STK3: variants seen among roughly 807,000 people sequenced by gnomAD.
The protein encoded by STK3 is serine/threonine-protein kinase 3.
STK3 carries 41 observed loss-of-function variants against 58.0 expected under a neutral mutation model. The observed-to-expected ratio is 0.71, with a 90% CI of 0.55 to 0.92. The LOEUF (loss-of-function observed/expected upper bound fraction) is 0.92, where lower values mean the gene tolerates loss of function less well. Among genes scored for constraint, STK3 ranks in the 40% least tolerant of loss-of-function variants. The pLI is 0.00. For synonymous variants in STK3, 170 were observed against 191.0 expected (o/e 0.89, Z 0.91); for missense variants, 479 against 602.7 (o/e 0.79, Z 2.15).
intron 3 of STK3, among the ~76,000 whole-genome samples, chr8:98,833,377 G>A (rs1835613707): frequency 6.6e-6 from 1 of 152,114 alleles, no homozygotes; most frequent in Non-Finnish European, 1.5e-5. Flanking sequence ...TGTAGATGGA[G>A]CCTCCAGGTA....
intron 6 of STK3, among the ~76,000 whole-genome samples, chr8:98,624,435 T>C (rs72666666): frequency 0.03 from 4,526 of 152,262 alleles, 98 homozygotes; most frequent in South Asian, 0.061. Context: ...AACTTTATCA[T>C]AGAGTTGGTC....
the STK3 span, among the ~76,000 whole-genome samples, chr8:98,363,164 G>A: frequency 1.3e-5 from 2 of 152,182 alleles, no homozygotes; most frequent in African/African-American, 4.8e-5. Context: ...CATGAGTCAT[G>A]TAGCTAAAAT....
upstream of STK3, among the ~76,000 whole-genome samples, chr8:98,389,582 G>A (rs1474500867): frequency 2.6e-5 from 4 of 152,014 alleles, no homozygotes; most frequent in Admixed American, 2.0e-4. Flanking sequence ...CTGCTACCAG[G>A]GATTGGGGTG....
At chr8:98,568,115 T>A (rs376346600) in intron 8 of STK3, among the ~76,000 whole-genome samples, 1 of 132,168 alleles carries the variant, frequency 7.6e-6, no homozygotes, top group Non-Finnish European at 1.6e-5. Flanking sequence ...ATAGATAGAC[T>A]GATTTAAAAA....
intron 3 of STK3, among the ~76,000 whole-genome samples, chr8:98,420,552 G>C (rs991401812): frequency 2.0e-5 from 3 of 152,152 alleles, no homozygotes; most frequent in African/African-American, 7.2e-5. Flanking sequence ...TGCAGATAAG[G>C]GGGGAATGCT....
Position 98,755,060 on chromosome 8 carries a change from C to T in STK3, c.237-5670G>A, listed in dbSNP as rs139269519. Among the ~76,000 whole-genome samples the T allele has an allele frequency of 4.6e-5, 7 of 152,082 alleles. No homozygotes were observed. In the East Asian group the frequency reaches 5.8e-4, roughly 13 times the overall value. On this transcript the variant is annotated intron_variant, in intron 3 of 10. Transcript: ENST00000419617. ...AAGTCAAGAGAAAACTTTGGCAAAACGTAAAATTCTCTTCAAAAAAATAAT... is the reference window on the plus strand; with the variant it reads ...AAGTCAAGAGAAAACTTTGGCAAAATGTAAAATTCTCTTCAAAAAAATAAT...
chr8:98,694,484 A>G (rs1824688580), intron 6 of STK3, among the ~76,000 whole-genome samples: 1 of 152,032 alleles, frequency 6.6e-6, no homozygotes, highest in African/African-American at 2.4e-5. Flanking sequence ...ATATCTCCTA[A>G]TGCTATCCCT....
At chr8:98,625,099 T>C (rs1197997398) in intron 6 of STK3, among the ~76,000 whole-genome samples, 1 of 152,178 alleles carries the variant, frequency 6.6e-6, no homozygotes, top group Non-Finnish European at 1.5e-5. Flanking sequence ...CTACTTCTTA[T>C]ATGTAACACC....
chr8:98,359,266 C>G, the STK3 span, among the ~76,000 whole-genome samples: 47,813 of 147,398 alleles, frequency 0.32, 7,750 homozygotes, highest in Middle Eastern at 0.51. Flanking sequence ...CCAACATTTT[C>G]GGAGGCCGAG....
intron 1 of STK3, among the ~76,000 whole-genome samples, chr8:98,793,780 A>G (rs542778112): frequency 2.6e-5 from 4 of 152,244 alleles, no homozygotes; most frequent in African/African-American, 9.6e-5. Context: ...TACGAGATCA[A>G]CCACATGCTC....
intron 10 of STK3, among the ~76,000 whole-genome samples, chr8:98,489,888 T>A (rs186311437): frequency 6.6e-6 from 1 of 152,282 alleles, no homozygotes; most frequent in African/African-American, 2.4e-5. Flanking sequence ...TAGAAACACA[T>A]TGTCAGGTTT....
intron 5 of STK3, 142 bp downstream of exon 5, chr8:98,707,005 G>A (rs1826015392): frequency 1.3e-6 from 1 of 780,402 alleles, no homozygotes; most frequent in East Asian, 3.0e-5. Flanking sequence ...CTCAAATTTG[G>A]CTCAATTATG....
intron 1 of STK3, among the ~76,000 whole-genome samples, chr8:98,919,149 A>G (rs1466150053): frequency 3.9e-5 from 6 of 152,218 alleles, no homozygotes; most frequent in African/African-American, 1.4e-4. Flanking sequence ...AACAGGCCCC[A>G]GGGGATAAGA....
chr8:98,352,114 G>C, the STK3 span, among the ~76,000 whole-genome samples: 1 of 139,418 alleles, frequency 7.2e-6, no homozygotes, highest in South Asian at 2.3e-4. Flanking sequence ...TCCAGCCTGG[G>C]TGACAGAGAA....
intron 6 of STK3, among the ~76,000 whole-genome samples, chr8:98,643,110 T>C (rs558931854): frequency 6.6e-6 from 1 of 152,172 alleles, no homozygotes; most frequent in East Asian, 1.9e-4. Flanking sequence ...ACCTGTCGTC[T>C]CAGCTACTCC....
At position 98,623,717 on chromosome 8, in the gene STK3, G is replaced by A. The variant is rs937384173; in HGVS notation, c.685-27548C>T. Reference sequence around the variant, plus strand: ...AAGGATCATTTGAGCTCAGGAGGTCGCGGCTGCAGTGAGCTGTGATCACAC... The same window carrying A: ...AAGGATCATTTGAGCTCAGGAGGTCACGGCTGCAGTGAGCTGTGATCACAC... On this transcript the variant is annotated intron_variant, in intron 6 of 10. Coordinates refer to ENST00000419617, the MANE Select transcript of STK3 (RefSeq NM_006281.4). 6.1e-4 allele frequency among the ~76,000 whole-genome samples: 93 copies of A among 152,290 alleles called. 1 individual carries two copies. Among genetic ancestry groups the A allele is most frequent in the African/African-American group, 2.0e-3 (85 of 41,574 alleles).
chr8:98,905,478 A>G, intron 1 of STK3: 1 of 1,230,638 alleles, frequency 8.1e-7, no homozygotes, highest in African/African-American at 1.5e-5. Flanking sequence ...TTCCACGTTG[A>G]TGTTCACCCC....
At chr8:98,745,860 T>C (rs564210180) in intron 4 of STK3, among the ~76,000 whole-genome samples, 2 of 152,242 alleles carry the variant, frequency 1.3e-5, no homozygotes, top group Non-Finnish European at 2.9e-5. Flanking sequence ...GGCAACTTCA[T>C]CATTGTGTGA....
chr8:98,442,235 A>G (rs1818724580), intron 1 of STK3, among the ~76,000 whole-genome samples: 1 of 152,148 alleles, frequency 6.6e-6, no homozygotes, highest in South Asian at 2.1e-4. Flanking sequence ...CCTCTCCCTG[A>G]ACTAGAACAA....
Sources: gnomAD v4.1 joint callset for allele counts (sites outside exome capture counted in the v4.1 genomes callset) on GRCh38, gnomAD v4.1.1 for gene constraint, MANE v1.5 for transcripts, NCBI Gene and HGNC (gene_info 2026-07-23, HGNC 2026-07-21) for gene names.